Variants in KIF27 observed in about 807,000 individuals in gnomAD.
KIF27 encodes the protein kinesin-like protein KIF27.
KIF27 carries 84 observed loss-of-function variants against 141.8 expected under a neutral mutation model. The observed-to-expected ratio is 0.59, with a 90% CI of 0.50 to 0.71. The LOEUF is 0.71. Among genes scored for constraint, KIF27 ranks in the 30% least tolerant of loss-of-function variants. The probability of loss-of-function intolerance (pLI) is 0.00; values close to 1 mark genes in which losing one functional copy is unlikely to be tolerated. For missense variants in KIF27, 1,306 were observed against 1,628.4 expected (o/e 0.80, Z 3.41); for synonymous variants, 471 against 569.5 (o/e 0.83, Z 2.46).
chr9:83,911,831 T>A (rs1955197660), intron 2 of KIF27, among the ~76,000 whole-genome samples: 1 of 152,130 alleles, frequency 6.6e-6, no homozygotes, highest in Non-Finnish European at 1.5e-5. Flanking sequence ...ACGCCTGGCC[T>A]CCACTTACAT....
intron 13 of KIF27, among the ~76,000 whole-genome samples, chr9:83,862,459 AG>A (rs1950017820): frequency 6.6e-6 from 1 of 152,132 alleles, no homozygotes; most frequent in Non-Finnish European, 1.5e-5. Context: ...TTGTTTTGTC[AG>A]GTTTGTCAAA....
chr9:83,908,158 A>T (rs1432093746), intron 3 of KIF27, among the ~76,000 whole-genome samples: 1 of 150,520 alleles, frequency 6.6e-6, no homozygotes. Context: ...GCTACTCGGG[A>T]GGCTAAGGCA....
chr9:83,846,720 AT>A (rs1164626799), intron 16 of KIF27, among the ~76,000 whole-genome samples: 1 of 152,068 alleles, frequency 6.6e-6, no homozygotes, highest in African/African-American at 2.4e-5. Flanking sequence ...CATTAGCAAC[AT>A]TTTTGCTTCC....
chr9:83,882,468 G>A (rs1446793219), intron 10 of KIF27, among the ~76,000 whole-genome samples: 1 of 152,146 alleles, frequency 6.6e-6, no homozygotes, highest in Non-Finnish European at 1.5e-5. Flanking sequence ...TTCCACATTT[G>A]TAAAATGGCT....
chr9:83,916,312 G>A (rs965058804), intron 1 of KIF27, among the ~76,000 whole-genome samples: 5 of 152,128 alleles, frequency 3.3e-5, no homozygotes, highest in Admixed American at 6.5e-5. Context: ...GATTACAGGC[G>A]TGAGCCACCG....
At chr9:83,871,304 A>G (rs953710591) in intron 11 of KIF27, among the ~76,000 whole-genome samples, 2 of 152,236 alleles carry the variant, frequency 1.3e-5, no homozygotes, top group African/African-American at 4.8e-5. Context: ...TATAGTGATC[A>G]GACCAGGATA....
chr9:83,853,936 C>A (rs1006032030), intron 14 of KIF27, 101 bp from the exon 15 acceptor site: 16 of 845,592 alleles, frequency 1.9e-5, no homozygotes, highest in Non-Finnish European at 2.8e-5. Flanking sequence ...ATGGATATTA[C>A]CACTCTTGTA....
At chr9:83,887,759 C>T (rs554851017) in intron 8 of KIF27, among the ~76,000 whole-genome samples, 3 of 151,930 alleles carry the variant, frequency 2.0e-5, no homozygotes, top group Non-Finnish European at 4.4e-5. Flanking sequence ...TTCCTGGTTG[C>T]AGAGCAGTAA....
Position 83,889,066 on chromosome 9 carries a change from A to C in KIF27, c.1979+18T>G, listed in dbSNP as rs183209852. ...TATAATTCTAAATATTTATTAAATCAGTGTATATTTAACATACCTAGTTCC... is the reference window on the plus strand; with the variant it reads ...TATAATTCTAAATATTTATTAAATCCGTGTATATTTAACATACCTAGTTCC... On this transcript the variant is annotated intron_variant, in intron 7 of 17. Coordinates refer to ENST00000297814, the MANE Select transcript of KIF27 (RefSeq NM_017576.4). 1.2e-3 allele frequency: 1,986 copies of C among 1,592,134 alleles called. 16 individuals carry two copies. In the African/African-American group the frequency reaches 0.021, roughly 17 times the overall value.
chr9:83,911,974 T>C (rs1449052692), intron 2 of KIF27, among the ~76,000 whole-genome samples: 4 of 150,166 alleles, frequency 2.7e-5, no homozygotes, highest in Non-Finnish European at 4.5e-5. Context: ...ATACTGGTTA[T>C]TATTGCATTA....
intron 12 of KIF27, among the ~76,000 whole-genome samples, chr9:83,869,684 G>A (rs1950616539): frequency 6.6e-6 from 1 of 152,110 alleles, no homozygotes; most frequent in Non-Finnish European, 1.5e-5. Context: ...CTGAGATCAT[G>A]CCACAGCACT....
intron 5 of KIF27, among the ~76,000 whole-genome samples, chr9:83,891,844 G>A (rs1385122112): frequency 6.6e-6 from 1 of 152,152 alleles, no homozygotes; most frequent in East Asian, 1.9e-4. Context: ...AATCCAAGAA[G>A]TAAAAAGAAA....
At position 83,903,192 on chromosome 9, in the gene KIF27, CCA is replaced by C; in HGVS notation, c.1324_1325del (p.Trp442ValfsTer2). The C allele has an allele frequency of 6.2e-7, 1 of 1,614,184 alleles. No individual in the cohort carries two copies. Among genetic ancestry groups the C allele is most frequent in the South Asian group, 1.1e-5 (1 of 91,086 alleles). The stretch of plus-strand genomic sequence containing the variant: ...TCCTGACCTCTTGGATCATGTTAAA[CCA>C]CTCCTGCAGTTTGTGTTGCTGCTTT... ...NEKQQHKLQEWFNMIQEVRKA... is the reference protein window; with the variant it reads ...NEKQQHKLQEXFNMIQEVRKA... On this transcript the variant is annotated frameshift_variant, in exon 4 of 18. Coordinates refer to ENST00000297814, the MANE Select transcript of KIF27 (RefSeq NM_017576.4). LOFTEE classifies it high-confidence loss of function.
chr9:83,907,752 T>C (rs1211971333), intron 3 of KIF27, among the ~76,000 whole-genome samples: 2 of 152,214 alleles, frequency 1.3e-5, no homozygotes, highest in Non-Finnish European at 2.9e-5. Context: ...AGGCAAGTTC[T>C]GGGTCAACTT....
intron 5 of KIF27, 80 bp downstream of exon 5, chr9:83,899,581 T>C: frequency 1.0e-6 from 1 of 977,872 alleles, no homozygotes; most frequent in Non-Finnish European, 1.5e-6. Context: ...TAAGTTCCCA[T>C]TTATCATTTA....
At chr9:83,877,838 C>G (rs1296211732) in intron 11 of KIF27, among the ~76,000 whole-genome samples, 1 of 151,904 alleles carries the variant, frequency 6.6e-6, no homozygotes, top group African/African-American at 2.4e-5. Flanking sequence ...AAAATGTGGA[C>G]AAAGAACTTG....
Position 83,903,933 on chromosome 9 carries a change from T to C in KIF27, c.585A>G (p.Thr195=). 6.2e-7 allele frequency: 1 copy of C among 1,614,192 alleles called. No homozygotes were observed. The highest frequency in any genetic ancestry group is 1.1e-5 in the South Asian group (1 of 91,086). ...AGTGCTCATTCATTTGAGTGGTACCTGTATGTCTGGCTGCATTCCCCATCT... is the reference window on the plus strand; with the variant it reads ...AGTGCTCATTCATTTGAGTGGTACCCGTATGTCTGGCTGCATTCCCCATCT... ...LLEMGNAARH[T]GTTQMNEHSS... The change falls in exon 4 of 18, where the codon ACA becomes ACG. Residue 195 remains threonine (T), a synonymous_variant. Transcript: ENST00000297814.
chr9:83,918,811 C>G (rs1955961454), intron 1 of KIF27, among the ~76,000 whole-genome samples: 1 of 152,118 alleles, frequency 6.6e-6, no homozygotes, highest in African/African-American at 2.4e-5. Flanking sequence ...CGCAGTGGCT[C>G]AAACCTGTAA....
Position 83,859,214 on chromosome 9 carries a change from T to C in KIF27, c.3092A>G (p.Gln1031Arg). ...EVLQKEKDQL[Q>R]KRRHNVDEKL... ...TTCATCCACATTGTGTCTGCGTTTC[T>C]GGAGCTGATCCTTTTCTTTCTGGAG... is the stretch of plus-strand genomic sequence containing the variant. The change falls in exon 14 of 18, where the codon CAG becomes CGG. Residue 1031 changes from glutamine (Q) to arginine (R), a missense_variant. Around this residue, in one of 4 missense-constraint regions of KIF27, gnomAD observed 596 missense variants for 751.6 expected, o/e 0.79. Coordinates refer to ENST00000297814, the MANE Select transcript of KIF27 (RefSeq NM_017576.4). The C allele has an allele frequency of 6.2e-7, 1 of 1,614,192 alleles. No individual in the cohort carries two copies. The highest frequency in any genetic ancestry group is 8.5e-7 in the Non-Finnish European group (1 of 1,180,006).
Sources: gnomAD v4.1 joint callset for allele counts (sites outside exome capture counted in the v4.1 genomes callset) on GRCh38, gnomAD v4.1.1 for gene constraint, gnomAD v4.1.1 regional missense constraint, MANE v1.5 for transcripts, NCBI Gene and HGNC (gene_info 2026-07-23, HGNC 2026-07-21) for gene names.